MTTP: variants seen among roughly 807,000 people sequenced by gnomAD.
MTTP encodes the protein microsomal triglyceride transfer protein large subunit.
A neutral mutation model predicts 90.6 loss-of-function variants in MTTP; 49 were observed. That is an observed-to-expected ratio of 0.54 (90% confidence interval 0.43 to 0.69). The LOEUF (loss-of-function observed/expected upper bound fraction) is 0.69. MTTP is among the 30% of genes least tolerant of loss of function. MTTP has a pLI of 0.00. For missense variants in MTTP, 945 were observed against 1,067.5 expected (o/e 0.89, Z 1.60); for synonymous variants, 347 against 384.2 (o/e 0.90, Z 1.13).
intron 6 of MTTP, among the ~76,000 whole-genome samples, chr4:99,594,382 A>G (rs902589674): frequency 2.6e-5 from 4 of 152,228 alleles, no homozygotes; most frequent in Non-Finnish European, 5.9e-5. Context: ...CTTGGTTAAT[A>G]AGTAACACGT....
chr4:99,582,888 A>G (rs1725154293), intron 2 of MTTP, among the ~76,000 whole-genome samples: 1 of 152,190 alleles, frequency 6.6e-6, no homozygotes, highest in Non-Finnish European at 1.5e-5. Context: ...AGATCTAAGC[A>G]TCATCATCCA....
intron 1 of MTTP, among the ~76,000 whole-genome samples, chr4:99,565,105 A>T (rs997072551): frequency 2.6e-5 from 4 of 152,214 alleles, no homozygotes; most frequent in African/African-American, 9.6e-5. Flanking sequence ...GAGGGCAAAG[A>T]GTAGCTGAGG....
At chr4:99,608,666 C>G in intron 11 of MTTP, 100 bp from the exon 12 acceptor site, 4 of 939,962 alleles carry the variant, frequency 4.3e-6, no homozygotes, top group Non-Finnish European at 6.9e-6. Context: ...TGTAGTAACA[C>G]ATGTATATTT....
intron 15 of MTTP, among the ~76,000 whole-genome samples, chr4:99,614,332 T>C (rs948696590): frequency 2.6e-5 from 4 of 152,212 alleles, no homozygotes; most frequent in African/African-American, 9.6e-5. Flanking sequence ...AGGTTCTGGT[T>C]ATGAAATCAT....
chr4:99,605,999 A>C (rs1310100884), intron 10 of MTTP, among the ~76,000 whole-genome samples: 1 of 152,110 alleles, frequency 6.6e-6, no homozygotes, highest in Non-Finnish European at 1.5e-5. Context: ...TTTTCAGCCT[A>C]GACTCTGTCA....
intron 3 of MTTP, chr4:99,584,106 T>C (rs1725196278): frequency 6.6e-6 from 1 of 152,220 alleles, no homozygotes; most frequent in Non-Finnish European, 1.5e-5. Flanking sequence ...TATTTGAAAA[T>C]CTGTTTTAAA....
Position 99,591,658 on chromosome 4 carries a change from G to A in MTTP, c.626G>A (p.Gly209Asp). ...GGCTATTTATTTATTTAGGTCTTGG[G>A]TGTCAGTTCAAAAGCTACATCTGTC... ...SGFTTPNQVLGVSSKATSVTT... is the reference protein window; with the variant it reads ...SGFTTPNQVLDVSSKATSVTT... The change falls in exon 6 of 18, where the codon GGT becomes GAT. Residue 209 changes from glycine (G) to aspartate (D), a missense_variant. Coordinates refer to ENST00000265517, the MANE Select transcript of MTTP (RefSeq NM_001386140.1). The A allele has an allele frequency of 6.2e-7, 1 of 1,612,172 alleles. No individual in the cohort carries two copies. The highest frequency in any genetic ancestry group is 8.5e-7 in the Non-Finnish European group (1 of 1,178,632).
upstream of MTTP, chr4:99,574,557 C>A: frequency 2.4e-6 from 1 of 410,542 alleles, no homozygotes; most frequent in Non-Finnish European, 4.6e-6. Context: ...GAAGTATCAC[C>A]ACCAGTTTTT....
At chr4:99,583,757 A>T (rs944336730) in intron 3 of MTTP, 1 of 594,942 alleles carries the variant, frequency 1.7e-6, no homozygotes, top group Non-Finnish European at 3.0e-6. Flanking sequence ...TAGTGGAATG[A>T]AGTATTTATT....
At chr4:99,585,167 GTTTAC>G (rs1156823652) in intron 3 of MTTP, among the ~76,000 whole-genome samples, 1 of 152,092 alleles carries the variant, frequency 6.6e-6, no homozygotes, top group Non-Finnish European at 1.5e-5. Flanking sequence ...TTTACTTATT[GTTTAC>G]TTAATAATAG....
chr4:99,608,833 C>T lies in MTTP; in HGVS notation c.1625C>T (p.Ala542Val), dbSNP rs1170158058. The T allele has an allele frequency of 1.2e-6, 2 of 1,614,138 alleles. No individual in the cohort carries two copies. The highest frequency in any genetic ancestry group is 1.7e-6 in the Non-Finnish European group (2 of 1,180,006). The change falls in exon 12 of 18, where the codon GCT becomes GTT. Residue 542 changes from alanine (A) to valine (V), a missense_variant. Ala to Val is a moderately conservative substitution (Grantham distance 64). Transcript: ENST00000265517. ...GTTCATGAAAAGACTGTGCGCACTG[C>T]TGCAGCTGCTATCATTTTAAATAAC... ...RKVHEKTVRTAAAAIILNNNP... is the reference protein window; with the variant it reads ...RKVHEKTVRTVAAAIILNNNP...
At chr4:99,565,566 T>G (rs1295616035) in intron 1 of MTTP, among the ~76,000 whole-genome samples, 1 of 152,248 alleles carries the variant, frequency 6.6e-6, no homozygotes, top group Non-Finnish European at 1.5e-5. Context: ...TCGAGTTCTA[T>G]GCGTTTTGTC....
At chr4:99,587,862 G>A (rs1006476042) in intron 3 of MTTP, among the ~76,000 whole-genome samples, 12 of 152,088 alleles carry the variant, frequency 7.9e-5, no homozygotes, top group Admixed American at 2.6e-4. Context: ...AGGAGATATA[G>A]TTTACAAAAT....
chr4:99,579,419 C>A (rs1056722570), intron 1 of MTTP, among the ~76,000 whole-genome samples: 1 of 152,120 alleles, frequency 6.6e-6, no homozygotes, highest in African/African-American at 2.4e-5. Context: ...CTCCTCGGGG[C>A]CTTTGCACTT....
chr4:99,616,755 CT>C (rs936061700), intron 15 of MTTP, among the ~76,000 whole-genome samples: 11 of 152,098 alleles, frequency 7.2e-5, no homozygotes. Flanking sequence ...TCTTTTGTCC[CT>C]TTGTGTAAGG....
intron 12 of MTTP, 25 bp from the exon 13 acceptor site, chr4:99,611,118 C>CT (rs763268175): frequency 3.4e-4 from 531 of 1,568,000 alleles, no homozygotes; most frequent in Non-Finnish European, 4.1e-4. Flanking sequence ...GAATGTGCAG[C>CT]TTTTTTTTTC....
chr4:99,570,946 G>A (rs1033747250), upstream of MTTP: 3 of 343,816 alleles, frequency 8.7e-6, no homozygotes, highest in African/African-American at 2.1e-5. Context: ...TGAGACCAGT[G>A]TTAGACTTCT....
At chr4:99,591,147 A>T in intron 4 of MTTP, 88 bp from the exon 5 acceptor site, 1 of 948,130 alleles carries the variant, frequency 1.1e-6, no homozygotes, top group Non-Finnish European at 1.7e-6. Context: ...ATGGCCTATT[A>T]GAGACCTCAA....
At chr4:99,614,450 T>C (rs577710507) in intron 15 of MTTP, among the ~76,000 whole-genome samples, 1 of 152,364 alleles carries the variant, frequency 6.6e-6, no homozygotes, top group African/African-American at 2.4e-5. Flanking sequence ...TTCTTGTTCC[T>C]CATATCAGCT....
Sources: gnomAD v4.1 joint callset for allele counts (sites outside exome capture counted in the v4.1 genomes callset) on GRCh38, gnomAD v4.1.1 for gene constraint, MANE v1.5 for transcripts, NCBI Gene and HGNC (gene_info 2026-07-23, HGNC 2026-07-21) for gene names.